KITLG: variants seen among roughly 807,000 people sequenced by gnomAD.
KITLG encodes the protein c-Kit ligand.
Under a neutral mutation model 34.1 loss-of-function variants are expected in KITLG, and 13 were observed. The observed-to-expected ratio is 0.38, with a 90% confidence interval of 0.25 to 0.61. The LOEUF (loss-of-function observed/expected upper bound fraction) is 0.61, where lower values mean the gene tolerates loss of function less well. Among genes scored for constraint, KITLG ranks in the 20% least tolerant of loss-of-function variants. The pLI is 0.60. For synonymous variants in KITLG, 110 were observed against 104.0 expected (o/e 1.06, Z -0.35); for missense variants, 292 against 318.9 (o/e 0.92, Z 0.64).
intron 6 of KITLG, among the ~76,000 whole-genome samples, chr12:88,511,943 A>G (rs1262962871): frequency 6.6e-6 from 1 of 152,186 alleles, no homozygotes. Context: ...TAGCCTCTAA[A>G]GAAACGCTAT....
chr12:88,536,629 T>C (rs1044789353), intron 2 of KITLG, among the ~76,000 whole-genome samples: 2 of 152,146 alleles, frequency 1.3e-5, no homozygotes, highest in Non-Finnish European at 2.9e-5. Context: ...ATGTGGCACA[T>C]ATACAGCATG....
At position 88,532,103 on chromosome 12, in the gene KITLG, C is replaced by A. The variant is rs2120878554; in HGVS notation, c.192+338G>T. Among the ~76,000 whole-genome samples, 3 of 152,028 alleles carry A rather than the reference C, an allele frequency of 2.0e-5. No homozygotes were observed. In the Middle Eastern group the frequency reaches 0.01, roughly 517 times the overall value. ...GGTTATATGCAAATACTATGCCATT[C>A]ATAGAAATGACTTGAGCATCCTAGG... is the stretch of plus-strand genomic sequence containing the variant. On this transcript the variant is annotated intron_variant, in intron 3 of 9. Transcript: ENST00000644744.
chr12:88,516,330 T>G lies in KITLG; in HGVS notation c.520+4A>C. The G allele has an allele frequency of 1.2e-6, 2 of 1,609,456 alleles. No homozygotes were observed. The highest frequency in any genetic ancestry group is 1.7e-6 in the Non-Finnish European group (2 of 1,176,728). ...TTTGAACTGGAAATGCTTACATGTC[T>G]TACCTTTCTCAGGACTTAATGTTGA... On this transcript the variant is annotated splice_donor_region_variant and intron_variant, in intron 5 of 9. Transcript: ENST00000644744.
At position 88,518,779 on chromosome 12, in the gene KITLG, C is replaced by T. The variant is rs759217048; in HGVS notation, c.281G>A (p.Gly94Asp). The T allele has an allele frequency of 1.9e-6, 3 of 1,613,050 alleles. No homozygotes were observed. The highest frequency in any genetic ancestry group is 1.3e-5 in the African/African-American group (1 of 75,002). The stretch of plus-strand genomic sequence containing the variant: ...GTCTATGATGGAATAATTACTCAAG[C>T]CTTCAGAAATATTTGAAAACTTGTC... ...LLDKFSNISEGLSNYSIIDKL... is the reference protein window; with the variant it reads ...LLDKFSNISEDLSNYSIIDKL... Residue 94 changes from glycine to aspartate, a missense_variant, in exon 4 of 10, where the codon GGC becomes GAC. By Grantham distance (94) the Gly-to-Asp change is moderately conservative (BLOSUM62 -1). Coordinates refer to ENST00000644744, the MANE Select transcript of KITLG (RefSeq NM_000899.5).
intron 2 of KITLG, among the ~76,000 whole-genome samples, chr12:88,539,911 A>T (rs938029327): frequency 6.6e-6 from 1 of 151,956 alleles, no homozygotes; most frequent in Non-Finnish European, 1.5e-5. Flanking sequence ...GGTGATAGAC[A>T]CCCTGTCTCA....
intron 2 of KITLG, among the ~76,000 whole-genome samples, chr12:88,542,499 C>T (rs2120904208): frequency 6.6e-6 from 1 of 152,130 alleles, no homozygotes; most frequent in Non-Finnish European, 1.5e-5. Flanking sequence ...GATGCTCTGC[C>T]CCACCATGTA....
chr12:88,574,291 A>G (rs1426084172), intron 1 of KITLG, among the ~76,000 whole-genome samples: 4 of 22,866 alleles, frequency 1.7e-4, no homozygotes, highest in African/African-American at 2.1e-4. Context: ...CTGCTAAAAG[A>G]AAAAAAAAAA....
chr12:88,504,084 A>G, intron 9 of KITLG, among the ~76,000 whole-genome samples: 1 of 152,186 alleles, frequency 6.6e-6, no homozygotes, highest in Admixed American at 6.5e-5. Flanking sequence ...TCTGGTCTCA[A>G]AAACAGTCTA....
At chr12:88,516,723 A>C (rs1869471069) in intron 4 of KITLG, among the ~76,000 whole-genome samples, 1 of 151,540 alleles carries the variant, frequency 6.6e-6, no homozygotes, top group East Asian at 1.9e-4. Flanking sequence ...GCAAAAAATA[A>C]AATAAAATAA....
rs1272809925 is a variant in KITLG, at chr12:88,506,972, G to C, written c.714+56C>G. ...AAGGATCATTTCTTGAGGAAAAAAA[G>C]ATGATAATTTATGTAAACATAGCAT... On this transcript the variant is annotated intron_variant, in intron 7 of 9. Transcript: ENST00000644744. The C allele has an allele frequency of 4.3e-5, 41 of 959,560 alleles. No individual in the cohort carries two copies. The South Asian group carries it at 4.6e-4, about 11-fold the overall frequency. The allele number at this position is 959,560 out of a possible 1,614,324, so 59.4% of individuals were successfully genotyped here. A position where few individuals can be genotyped will look rare whatever the true frequency, so the allele number is the denominator to read the frequency against.
At chr12:88,555,766 G>C (rs1049769522) in intron 1 of KITLG, among the ~76,000 whole-genome samples, 5 of 152,026 alleles carry the variant, frequency 3.3e-5, no homozygotes, top group Non-Finnish European at 7.4e-5. Context: ...AACAAAATTG[G>C]GTGCTTTCAG....
At chr12:88,538,570 C>T (rs1157379447) in intron 2 of KITLG, among the ~76,000 whole-genome samples, 8 of 151,904 alleles carry the variant, frequency 5.3e-5, no homozygotes, top group Non-Finnish European at 1.2e-4. Flanking sequence ...AAAGAGAAAA[C>T]AGAGACAGAC....
intron 9 of KITLG, among the ~76,000 whole-genome samples, chr12:88,500,876 C>A (rs575025270): frequency 6.6e-6 from 1 of 152,282 alleles, no homozygotes; most frequent in South Asian, 2.1e-4. Flanking sequence ...ACCTCTCGGG[C>A]TCAGGCAATC....
At chr12:88,570,968 C>G (rs907264856) in intron 1 of KITLG, among the ~76,000 whole-genome samples, 2 of 151,896 alleles carry the variant, frequency 1.3e-5, no homozygotes, top group Non-Finnish European at 2.9e-5. Context: ...TTCTTTTCAA[C>G]AGAAAGGGGA....
chr12:88,557,500 C>T (rs573142678), intron 1 of KITLG, among the ~76,000 whole-genome samples: 77 of 152,194 alleles, frequency 5.1e-4, no homozygotes, highest in African/African-American at 1.8e-3. Flanking sequence ...TAAGGAGATG[C>T]GAGCTAATGA....
chr12:88,555,948 C>T (rs922735606), intron 1 of KITLG, among the ~76,000 whole-genome samples: 18 of 152,090 alleles, frequency 1.2e-4, no homozygotes, highest in African/African-American at 4.3e-4. Context: ...GGCCCAGCCC[C>T]TCCCTCAACT....
At chr12:88,522,600 GT>G (rs1234426425) in intron 3 of KITLG, among the ~76,000 whole-genome samples, 1 of 151,766 alleles carries the variant, frequency 6.6e-6, no homozygotes, top group Non-Finnish European at 1.5e-5. Context: ...GCTAACTTTT[GT>G]TTTTTTAGTA....
At chr12:88,552,625 T>A (rs1352248979) in intron 1 of KITLG, among the ~76,000 whole-genome samples, 2 of 152,150 alleles carry the variant, frequency 1.3e-5, no homozygotes, top group African/African-American at 4.8e-5. Flanking sequence ...ATGAGGAAAG[T>A]GAATTGCCTC....
At chr12:88,557,589 C>G (rs1211442910) in intron 1 of KITLG, among the ~76,000 whole-genome samples, 2 of 152,076 alleles carry the variant, frequency 1.3e-5, no homozygotes, top group Non-Finnish European at 2.9e-5. Context: ...TAGTTTAATT[C>G]TCAACTATCA....
Sources: gnomAD v4.1 joint callset for allele counts (sites outside exome capture counted in the v4.1 genomes callset) on GRCh38, gnomAD v4.1.1 for gene constraint, MANE v1.5 for transcripts, NCBI Gene and HGNC (gene_info 2026-07-23, HGNC 2026-07-21) for gene names.